The following SLC15A2 variants were observed in gnomAD, a reference collection of about 807,000 sequenced individuals.
The protein encoded by SLC15A2 is kidney H(+)/peptide cotransporter.
In SLC15A2, 77 loss-of-function variants were observed where a neutral mutation model predicts 95.5. The observed-to-expected ratio is 0.81, with a 90% CI of 0.67 to 0.97. The LOEUF is 0.97. Ranked by LOEUF, SLC15A2 falls within the 50% of genes least tolerant of loss-of-function variation. The pLI is 0.00. For synonymous variants in SLC15A2, 306 were observed against 306.9 expected (o/e 1.00, Z 0.03); for missense variants, 893 against 874.4 (o/e 1.02, Z -0.27).
intron 19 of SLC15A2, among the ~76,000 whole-genome samples, chr3:121,936,959 G>A (rs1710360131): frequency 1.3e-5 from 2 of 151,366 alleles, no homozygotes; most frequent in Non-Finnish European, 2.9e-5. Context: ...GGGCAGGCCT[G>A]GTGGTGACAA....
Position 121,944,063 on chromosome 3 carries a change from A to G in SLC15A2, c.*3056A>G, listed in dbSNP as rs1467069780. 2 of 152,254 alleles carry G rather than the reference A, an allele frequency of 1.3e-5. No homozygotes were observed. Among genetic ancestry groups the G allele is most frequent in the African/African-American group, 4.8e-5 (2 of 41,476 alleles). 9.4% of individuals were successfully genotyped at this position (152,254 alleles called of 1,614,324 possible). A position where few individuals can be genotyped will look rare whatever the true frequency, so the allele number is the denominator to read the frequency against. On this transcript the variant is annotated 3_prime_UTR_variant, in exon 22 of 22. Transcript: ENST00000489711. ...AAAATGTGGACACACAAATTGGAAAAGAGGTATAAATGCAGTATTATAATC... is the reference window on the plus strand; with the variant it reads ...AAAATGTGGACACACAAATTGGAAAGGAGGTATAAATGCAGTATTATAATC...
At chr3:121,901,343 C>T (rs946367139) in intron 3 of SLC15A2, among the ~76,000 whole-genome samples, 19 of 152,058 alleles carry the variant, frequency 1.2e-4, no homozygotes, top group Non-Finnish European at 2.5e-4. Flanking sequence ...TCCAAGAGCA[C>T]GTAGAATAGT....
rs540732902 is a variant in SLC15A2 at position 121,941,887 on chromosome 3, C to T, written c.*880C>T. Reference sequence around the variant, plus strand: ...ACCTTGTCTTGTCAACCTTGCTGATCCAGCTTTTTCTTATTATTACACCTT... The same window carrying T: ...ACCTTGTCTTGTCAACCTTGCTGATTCAGCTTTTTCTTATTATTACACCTT... On this transcript the variant is annotated 3_prime_UTR_variant, in exon 22 of 22. Coordinates refer to ENST00000489711, the MANE Select transcript of SLC15A2 (RefSeq NM_021082.4). 6 of 152,286 alleles carry T rather than the reference C, an allele frequency of 3.9e-5. No homozygotes were observed. The East Asian group carries it at 1.2e-3, about 29-fold the overall frequency. The allele number at this position is 152,286 out of a possible 1,614,324, so 9.4% of individuals were successfully genotyped here.
At chr3:121,922,100 T>C in intron 7 of SLC15A2, 120 bp from the exon 8 acceptor site, 2 of 711,716 alleles carry the variant, frequency 2.8e-6, no homozygotes, top group South Asian at 1.9e-5. Flanking sequence ...AATGTGCTAT[T>C]TAGGTTTGTG....
intron 3 of SLC15A2, among the ~76,000 whole-genome samples, chr3:121,905,747 T>C (rs1280747643): frequency 6.6e-6 from 1 of 152,236 alleles, no homozygotes; most frequent in Non-Finnish European, 1.5e-5. Context: ...TTATATTTGC[T>C]GAGGAGTGCT....
intron 12 of SLC15A2, 62 bp from the exon 13 acceptor site, chr3:121,924,883 C>A: frequency 8.9e-7 from 1 of 1,121,756 alleles, no homozygotes; most frequent in Non-Finnish European, 1.4e-6. Flanking sequence ...CAAATGAGTG[C>A]AGTGCTCACA....
chr3:121,933,961 A>G (rs1477203380), intron 19 of SLC15A2, among the ~76,000 whole-genome samples: 1 of 151,562 alleles, frequency 6.6e-6, no homozygotes, highest in East Asian at 1.9e-4. Flanking sequence ...GAAGGGATCC[A>G]GTTTCAGCTT....
Position 121,897,451 on chromosome 3 carries a change from A to G in SLC15A2, c.257A>G (p.Tyr86Cys), listed in dbSNP as rs1444513254. Reference protein sequence around the residue: ...HWNEDTSTSIYHAFSSLCYFT... With the variant: ...HWNEDTSTSICHAFSSLCYFT... ...AATGAAGATACCTCCACATCTATAT[A>G]CCATGCCTTCAGCAGCCTCTGTTAT... The change falls in exon 3 of 22, where the codon TAC (tyrosine) becomes TGC (cysteine). Residue 86 changes from tyrosine (Y) to cysteine (C), a missense_variant. Physicochemically the swap from Tyr to Cys is radical, Grantham distance 194. Transcript: ENST00000489711. 15 of 1,613,804 alleles carry G rather than the reference A, an allele frequency of 9.3e-6. No homozygotes were observed. Among genetic ancestry groups the G allele is most frequent in the African/African-American group, 1.3e-5 (1 of 74,810 alleles).
intron 3 of SLC15A2, among the ~76,000 whole-genome samples, chr3:121,898,710 T>A (rs1576667194): frequency 6.6e-6 from 1 of 152,236 alleles, no homozygotes; most frequent in Non-Finnish European, 1.5e-5. Context: ...ATATGAACTA[T>A]AAAATCTCCA....
At chr3:121,935,511 G>C (rs1576692342) in intron 19 of SLC15A2, among the ~76,000 whole-genome samples, 2 of 152,256 alleles carry the variant, frequency 1.3e-5, no homozygotes, top group East Asian at 3.9e-4. Context: ...ATGTGTCCAG[G>C]AATTTATCCA....
At chr3:121,936,061 G>A (rs530754246) in intron 19 of SLC15A2, among the ~76,000 whole-genome samples, 1 of 152,290 alleles carries the variant, frequency 6.6e-6, no homozygotes, top group South Asian at 2.1e-4. Flanking sequence ...CAGTTTCCAT[G>A]CAGTTGAGCA....
chr3:121,914,857 CAAAAA>C, intron 5 of SLC15A2: 5 of 154,510 alleles, frequency 3.2e-5, no homozygotes, highest in Non-Finnish European at 4.7e-5. Flanking sequence ...GACTCCATCT[CAAAAA>C]AAAAAAAAAA....
intron 18 of SLC15A2, 78 bp downstream of exon 18, chr3:121,931,028 G>A: frequency 1.1e-6 from 1 of 876,610 alleles, no homozygotes; most frequent in African/African-American, 1.7e-5. Context: ...TATAGGTGGG[G>A]AACTTAGGTG....
Position 121,928,963 on chromosome 3 carries a change from TA to T in SLC15A2, c.1342-18del, listed in dbSNP as rs776636997. On this transcript the variant is annotated intron_variant, in intron 15 of 21. Coordinates refer to ENST00000489711, the MANE Select transcript of SLC15A2 (RefSeq NM_021082.4). ...TAGAAGGTGTACGTGACCTTCATTT[TA>T]TATTCTTCATTTTACAGAAAACACC... 1.1e-5 allele frequency: 18 copies of T among 1,612,278 alleles called. No homozygotes were observed. Among genetic ancestry groups the T allele is most frequent in the Non-Finnish European group, 1.5e-5 (18 of 1,179,126 alleles).
At chr3:121,908,145 G>A (rs796215523) in intron 3 of SLC15A2, among the ~76,000 whole-genome samples, 21 of 152,346 alleles carry the variant, frequency 1.4e-4, no homozygotes, top group Middle Eastern at 3.4e-3. Context: ...AGACTGCTGC[G>A]CTAGCAGTGA....
At chr3:121,936,594 A>G (rs1287976817) in intron 19 of SLC15A2, among the ~76,000 whole-genome samples, 4 of 143,308 alleles carry the variant, frequency 2.8e-5, no homozygotes, top group Non-Finnish European at 6.1e-5. Context: ...CAACCCCTGC[A>G]TTTTTTTTTT....
rs1221508654 is a variant in SLC15A2, at chr3:121,943,872, T to C, written c.*2865T>C. 6.6e-6 allele frequency: 1 copy of C among 152,262 alleles called. No individual in the cohort carries two copies. The highest frequency in any genetic ancestry group is 1.5e-5 in the Non-Finnish European group (1 of 68,044). The allele number at this position is 152,262 out of a possible 1,614,324, so 9.4% of individuals were successfully genotyped here. On this transcript the variant is annotated 3_prime_UTR_variant, in exon 22 of 22. Coordinates refer to ENST00000489711, the MANE Select transcript of SLC15A2 (RefSeq NM_021082.4). ...TTACTGTATTAAATGCTGTAGGCAATTGTAACACAATGGTATTTTTATACT... is the reference window on the plus strand; with the variant it reads ...TTACTGTATTAAATGCTGTAGGCAACTGTAACACAATGGTATTTTTATACT...
intron 14 of SLC15A2, 90 bp downstream of exon 14, chr3:121,927,929 C>A (rs1184530315): frequency 6.5e-6 from 6 of 924,718 alleles, no homozygotes; most frequent in Non-Finnish European, 1.0e-5. Flanking sequence ...TTCCCTGGGA[C>A]CTAGCACAGT....
intron 12 of SLC15A2, 143 bp from the exon 13 acceptor site, chr3:121,924,802 G>A: frequency 1.4e-6 from 1 of 695,962 alleles, no homozygotes; most frequent in South Asian, 1.7e-5. Flanking sequence ...TAAATGGACT[G>A]AGGAATGTGG....
Sources: allele counts gnomAD v4.1 joint callset (sites outside exome capture counted in the v4.1 genomes callset), GRCh38; gene constraint gnomAD v4.1.1; transcripts MANE v1.5; gene names NCBI Gene and HGNC (gene_info 2026-07-23, HGNC 2026-07-21).